Variants in NTM observed in about 807,000 individuals in gnomAD.
The protein encoded by NTM is IgLON family member 2.
A neutral mutation model predicts 42.1 loss-of-function variants in NTM; 13 were observed. The ratio of observed to expected loss-of-function variants is 0.31; its 90% CI spans 0.20 to 0.49. The LOEUF (loss-of-function observed/expected upper bound fraction) is 0.49, where lower values mean the gene tolerates loss of function less well. NTM is among the 20% of genes least tolerant of loss of function. The pLI, the probability that NTM is intolerant of heterozygous loss-of-function variation, is 0.99. For missense variants in NTM, 373 were observed against 452.8 expected (o/e 0.82, Z 1.60); for synonymous variants, 187 against 179.2 (o/e 1.04, Z -0.35).
In NTM at chr11:131,842,888, G is replaced by T. The variant is rs147302611; in HGVS notation, c.83-68676G>T. The stretch of plus-strand genomic sequence containing the variant: ...TAGTCGGGCGTGGTGCCGCATGCCT[G>T]TAATCCCAGCTACTCAGGAGACTGA... On this transcript the variant is annotated intron_variant, in intron 1 of 8. Transcript: ENST00000683400. 1.9e-3 allele frequency among the ~76,000 whole-genome samples: 284 copies of T among 152,160 alleles called. 2 individuals are homozygous for T. Among genetic ancestry groups the T allele is most frequent in the African/African-American group, 6.1e-3 (253 of 41,490 alleles).
intron 1 of NTM, among the ~76,000 whole-genome samples, chr11:131,592,187 A>C (rs2137295122): frequency 6.6e-6 from 1 of 152,328 alleles, no homozygotes; most frequent in South Asian, 2.1e-4. Context: ...AGCTCTGACT[A>C]TGGGAGGCAG....
chr11:132,082,942 C>T (rs920761594), intron 2 of NTM, among the ~76,000 whole-genome samples: 4 of 152,158 alleles, frequency 2.6e-5, no homozygotes, highest in East Asian at 1.9e-4. Flanking sequence ...CTCAGATAAC[C>T]GGTGGCTATA....
intron 1 of NTM, among the ~76,000 whole-genome samples, chr11:131,433,458 G>A (rs1436233391): frequency 6.6e-6 from 1 of 152,178 alleles, no homozygotes; most frequent in African/African-American, 2.4e-5. Context: ...TGCCTCCAGG[G>A]CCTCATGACT....
chr11:131,678,119 T>A (rs1219405804), intron 1 of NTM, among the ~76,000 whole-genome samples: 1 of 152,180 alleles, frequency 6.6e-6, no homozygotes, highest in African/African-American at 2.4e-5. Context: ...CCGGGGCCCC[T>A]GGTAACAAAC....
At chr11:132,096,687 C>T (rs779250587) in intron 2 of NTM, among the ~76,000 whole-genome samples, 4 of 152,182 alleles carry the variant, frequency 2.6e-5, no homozygotes, top group East Asian at 3.9e-4. Context: ...CCAGCAGAAG[C>T]GCTGATTTCT....
chr11:131,520,491 G>C (rs1565593898), intron 1 of NTM, among the ~76,000 whole-genome samples: 1 of 152,100 alleles, frequency 6.6e-6, no homozygotes, highest in Non-Finnish European at 1.5e-5. Context: ...TCATCTCTTT[G>C]ATGTCTGTCC....
At chr11:131,571,120 A>G (rs10750485) in intron 1 of NTM, among the ~76,000 whole-genome samples, 64,888 of 152,102 alleles carry the variant, frequency 0.43, 16,708 homozygotes, top group East Asian at 0.65. Flanking sequence ...TGAAATGGGG[A>G]TAATAGTGGC....
At chr11:132,021,357 T>C (rs1464372490) in intron 2 of NTM, among the ~76,000 whole-genome samples, 2 of 152,196 alleles carry the variant, frequency 1.3e-5, no homozygotes, top group Non-Finnish European at 2.9e-5. Context: ...AAATTTCAGC[T>C]GGTAAATTCA....
At chr11:132,032,810 A>G (rs1291649560) in intron 2 of NTM, among the ~76,000 whole-genome samples, 2 of 152,208 alleles carry the variant, frequency 1.3e-5, no homozygotes, top group Non-Finnish European at 2.9e-5. Context: ...TATTCTGCCA[A>G]CATTTTATTC....
intron 1 of NTM, among the ~76,000 whole-genome samples, chr11:131,637,127 T>G (rs1169357167): frequency 2.6e-5 from 4 of 152,092 alleles, no homozygotes; most frequent in Non-Finnish European, 5.9e-5. Context: ...TCTACTCCAT[T>G]TCCCGGTCAG....
At chr11:132,046,665 TC>T (rs1276794081) in intron 2 of NTM, among the ~76,000 whole-genome samples, 1 of 152,114 alleles carries the variant, frequency 6.6e-6, no homozygotes, top group African/African-American at 2.4e-5. Flanking sequence ...AATAGATCAT[TC>T]CCAGGCGACA....
rs201718481 is a variant in NTM, at chr11:132,307,792, C to A, written c.630C>A (p.Pro210=). 1.9e-5 allele frequency: 30 copies of A among 1,614,188 alleles called. No individual in the cohort carries two copies. The African/African-American group carries it at 3.5e-4, about 19-fold the overall frequency. The change falls in exon 5 of 9, where the codon CCC becomes CCA. Residue 210 remains proline (P), a synonymous_variant. Transcript: ENST00000683400. ...GTGCCTCCAATGACGTGGCCGCGCCCGTGGTACGGAGAGTAAAGGTCACCG... is the reference window on the plus strand; with the variant it reads ...GTGCCTCCAATGACGTGGCCGCGCCAGTGGTACGGAGAGTAAAGGTCACCG... The part of the protein sequence containing the change: ...ECSASNDVAA[P]VVRRVKVTVN...
intron 7 of NTM, chr11:132,315,202 AAATTTTCC>A: frequency 3.4e-6 from 2 of 582,678 alleles, no homozygotes; most frequent in Non-Finnish European, 4.3e-6. Flanking sequence ...GCTTAGTGTA[AAATTTTCC>A]TTTTTCCAAA....
intron 1 of NTM, among the ~76,000 whole-genome samples, chr11:131,472,616 T>C (rs1377553780): frequency 6.6e-6 from 1 of 152,138 alleles, no homozygotes; most frequent in Non-Finnish European, 1.5e-5. Flanking sequence ...ACACAGTTAT[T>C]TTTCCAAACA....
intron 2 of NTM, among the ~76,000 whole-genome samples, chr11:132,031,244 A>G (rs1021180773): frequency 3.9e-5 from 6 of 152,172 alleles, no homozygotes; most frequent in Non-Finnish European, 8.8e-5. Flanking sequence ...TAGTGTGAAC[A>G]TCTTTAACTT....
intron 1 of NTM, among the ~76,000 whole-genome samples, chr11:131,585,191 ATTAG>A (rs773656722): frequency 3.3e-5 from 5 of 152,186 alleles, no homozygotes; most frequent in East Asian, 1.9e-4. Flanking sequence ...TTTTGTGTGA[ATTAG>A]TTAGTGACTT....
intron 4 of NTM, among the ~76,000 whole-genome samples, chr11:132,267,355 CTT>C (rs2093244323): frequency 6.6e-6 from 1 of 152,186 alleles, no homozygotes. Flanking sequence ...ATTCCTCACT[CTT>C]TAGTTACATG....
intron 2 of NTM, among the ~76,000 whole-genome samples, chr11:131,925,800 A>G (rs1320675517): frequency 3.3e-5 from 5 of 152,190 alleles, no homozygotes; most frequent in Admixed American, 3.3e-4. Context: ...AGTTGTGGGT[A>G]GGAGACGTAC....
intron 1 of NTM, among the ~76,000 whole-genome samples, chr11:131,419,802 G>C (rs369310504): frequency 2.0e-5 from 3 of 152,230 alleles, no homozygotes; most frequent in African/African-American, 7.2e-5. Context: ...GGCAGTAGCA[G>C]ATGTCGGGAG....
Sources: gnomAD v4.1 joint callset for allele counts (sites outside exome capture counted in the v4.1 genomes callset) on GRCh38, gnomAD v4.1.1 for gene constraint, MANE v1.5 for transcripts, NCBI Gene and HGNC (gene_info 2026-07-23, HGNC 2026-07-21) for gene names.